Variants in C7 observed in about 807,000 individuals in gnomAD.
C7 encodes the protein complement C7, also known as complement component C7.
A neutral mutation model predicts 104.8 loss-of-function variants in C7; 83 were observed. The observed-to-expected ratio is 0.79, with a 90% CI of 0.66 to 0.95. The LOEUF is 0.95. C7 is among the 40% of genes least tolerant of loss of function. The pLI is 0.00. For missense variants in C7, 1,070 were observed against 1,011.2 expected, an observed-to-expected ratio of 1.06 and a Z score of -0.79; for synonymous variants, 415 against 360.6, an observed-to-expected ratio of 1.15 and a Z score of -1.71.
Position 40,949,937 on chromosome 5 carries a change from C to A in C7, c.1016C>A (p.Ser339Tyr). Residue 339 changes from serine (S) to tyrosine (Y), a missense_variant, in exon 9 of 18, where the codon TCC becomes TAC. Physicochemically the swap from Ser to Tyr is moderately radical, Grantham distance 144 (BLOSUM62 -2). Coordinates refer to ENST00000313164, the MANE Select transcript of C7 (RefSeq NM_000587.4). ...FNSVEEKKCK[S>Y]SGWHFVVKFS... is the part of the protein sequence containing the mutation. Reference sequence around the variant, plus strand: ...TCAGTCGAAGAAAAGAAATGTAAATCCTCAGGTTGGCATTTTGTCGTTAAA... The same window carrying A: ...TCAGTCGAAGAAAAGAAATGTAAATACTCAGGTTGGCATTTTGTCGTTAAA... 1 of 1,598,442 alleles carries A rather than the reference C, an allele frequency of 6.3e-7. No individual in the cohort carries two copies. The highest frequency in any genetic ancestry group is 1.1e-5 in the South Asian group (1 of 88,244).
intron 9 of C7, among the ~76,000 whole-genome samples, chr5:40,951,937 C>T (rs2455302): frequency 0.52 from 79,486 of 152,036 alleles, 21,810 homozygotes; most frequent in Middle Eastern, 0.64. Context: ...TTTAGACACT[C>T]AAGATATAGC....
chr5:40,935,883 T>C (rs1739801157), intron 4 of C7, among the ~76,000 whole-genome samples: 2 of 152,236 alleles, frequency 1.3e-5, no homozygotes, highest in South Asian at 4.1e-4. Flanking sequence ...TAGCCCCTAT[T>C]GTGCTACGGA....
chr5:40,973,627 T>C (rs987391336), intron 15 of C7, among the ~76,000 whole-genome samples: 3 of 152,222 alleles, frequency 2.0e-5, no homozygotes, highest in African/African-American at 7.2e-5. Flanking sequence ...TGCTGTTAAG[T>C]TATCAAAGCT....
chr5:40,909,669 C>A, intron 1 of C7, 53 bp downstream of exon 1: 1 of 1,335,006 alleles, frequency 7.5e-7, no homozygotes, highest in South Asian at 1.5e-5. Context: ...TTCAAATGAA[C>A]GGGGGTAATA....
chr5:40,932,967 G>A (rs1285310322), intron 3 of C7, among the ~76,000 whole-genome samples: 3 of 152,116 alleles, frequency 2.0e-5, no homozygotes, highest in African/African-American at 7.2e-5. Flanking sequence ...CTGGTAATAT[G>A]GAGAAGAAAA....
chr5:40,947,964 A>G, intron 8 of C7, 119 bp downstream of exon 8: 1 of 1,039,910 alleles, frequency 9.6e-7, no homozygotes, highest in Non-Finnish European at 1.5e-6. Flanking sequence ...TTAAATTGCA[A>G]AGGAATCTAA....
intron 1 of C7, among the ~76,000 whole-genome samples, chr5:40,921,498 A>C (rs1421245602): frequency 6.6e-6 from 1 of 152,132 alleles, no homozygotes; most frequent in Non-Finnish European, 1.5e-5. Context: ...GTAGCTAAAG[A>C]AATTCTGAAT....
At chr5:40,925,563 G>C (rs1031378683) in intron 1 of C7, among the ~76,000 whole-genome samples, 1 of 152,098 alleles carries the variant, frequency 6.6e-6, no homozygotes, top group African/African-American at 2.4e-5. Context: ...ACACTGTTAG[G>C]TATCTTTATA....
In C7 at chr5:40,958,197, C is replaced by T. The variant is rs1157790232; in HGVS notation, c.1425C>T (p.Cys475=). 1.2e-6 allele frequency: 2 copies of T among 1,613,560 alleles called. No individual in the cohort carries two copies. Among genetic ancestry groups the T allele is most frequent in the Non-Finnish European group, 1.7e-6 (2 of 1,179,628 alleles). ...CTGTTGAGGGGACCCATTGTCTGTG[C>T]CATTGCAAACCGTACACATTTGGTG... ...LATVEGTHCL[C]HCKPYTFGAA... Residue 475 remains cysteine, a synonymous_variant, in exon 11 of 18, where the codon TGC becomes TGT. Transcript: ENST00000313164.
Position 40,984,119 on chromosome 5 carries a change from C to T in C7, c.*2546C>T, listed in dbSNP as rs767415530. Among the ~76,000 whole-genome samples the T allele has an allele frequency of 8.5e-5, 13 of 152,154 alleles. No homozygotes were observed. Among genetic ancestry groups the T allele is most frequent in the Non-Finnish European group, 1.3e-4 (9 of 68,022 alleles). On this transcript the variant is annotated 3_prime_UTR_variant, in exon 18 of 18. Coordinates refer to ENST00000313164, the MANE Select transcript of C7 (RefSeq NM_000587.4). ...TATTTCCTAATCGTTTTGAGAAGTG[C>T]CTTCCTGTGACATCTTATGTATTTC...
At chr5:40,981,366 T>C (rs770136777) in intron 17 of C7, 26 bp from the exon 18 acceptor site, 42 of 1,596,154 alleles carry the variant, frequency 2.6e-5, no homozygotes, top group Admixed American at 3.5e-5. Flanking sequence ...AATGTACCAT[T>C]AAGCCTCTTT....
At chr5:40,971,501 G>T (rs1011708385) in intron 14 of C7, among the ~76,000 whole-genome samples, 1 of 152,114 alleles carries the variant, frequency 6.6e-6, no homozygotes, top group Non-Finnish European at 1.5e-5. Context: ...TTGTCAGATA[G>T]ATAGATTACA....
chr5:40,949,764 AC>A, intron 8 of C7, 139 bp from the exon 9 acceptor site: 1 of 631,096 alleles, frequency 1.6e-6, no homozygotes, highest in South Asian at 1.9e-5. Flanking sequence ...CTTCTAGAGC[AC>A]TTGAAAATGT....
rs577849772 is a variant in C7 at position 40,921,581 on chromosome 5, T to TA, written c.7-6991dup. ...CAAAGCTACAACAAAAGTAGATTAT[T>TA]AAAAAAAACAAAAGTAGTTTATACA... On this transcript the variant is annotated intron_variant, in intron 1 of 17. Transcript: ENST00000313164. Among the ~76,000 whole-genome samples the TA allele has an allele frequency of 5.4e-3, 773 of 143,498 alleles. 7 individuals are homozygous for TA. The highest frequency in any genetic ancestry group is 0.02 in the African/African-American group (736 of 36,882). 94.1% of individuals were successfully genotyped at this position (143,498 alleles called of 152,430 possible). A position where few individuals can be genotyped will look rare whatever the true frequency, so the allele number is the denominator to read the frequency against.
chr5:40,955,356 T>C (rs766586143), intron 9 of C7, 31 bp from the exon 10 acceptor site: 13 of 1,559,136 alleles, frequency 8.3e-6, no homozygotes, highest in Non-Finnish European at 1.7e-6. Context: ...TTGATAGACT[T>C]TTCACTTTTC....
At chr5:40,980,935 C>T (rs765290210) in intron 17 of C7, among the ~76,000 whole-genome samples, 41 of 152,216 alleles carry the variant, frequency 2.7e-4, no homozygotes, top group Non-Finnish European at 4.7e-4. Flanking sequence ...CTCCTTGCCT[C>T]CTTAACTCAT....
At chr5:40,974,646 C>T (rs2111716011) in intron 15 of C7, among the ~76,000 whole-genome samples, 1 of 152,234 alleles carries the variant, frequency 6.6e-6, no homozygotes, top group East Asian at 1.9e-4. Flanking sequence ...TCCCGATCTC[C>T]TGACCTCATG....
chr5:40,929,462 G>T (rs1339094574), intron 2 of C7, among the ~76,000 whole-genome samples: 1 of 152,090 alleles, frequency 6.6e-6, no homozygotes, highest in African/African-American at 2.4e-5. Flanking sequence ...AAAACCACAG[G>T]TTGGCAAGAT....
intron 11 of C7, 45 bp downstream of exon 11, chr5:40,958,306 G>T: frequency 8.2e-7 from 1 of 1,222,966 alleles, no homozygotes; most frequent in East Asian, 2.4e-5. Flanking sequence ...CACATTGAAA[G>T]GGAATTACCC....
Sources: gnomAD v4.1 joint callset for allele counts (sites outside exome capture counted in the v4.1 genomes callset) on GRCh38, gnomAD v4.1.1 for gene constraint, MANE v1.5 for transcripts, NCBI Gene and HGNC (gene_info 2026-07-23, HGNC 2026-07-21) for gene names.